The following CDH4 variants were observed in gnomAD, a reference collection of about 807,000 sequenced individuals.
The protein encoded by CDH4 is cadherin 4.
In CDH4, 33 loss-of-function variants were observed where a neutral mutation model predicts 86.0. That is an observed-to-expected ratio of 0.38 (90% CI 0.29 to 0.51). CDH4 has a LOEUF of 0.51. Among genes scored for constraint, CDH4 ranks in the 20% least tolerant of loss-of-function variants. The probability of loss-of-function intolerance (pLI) is 0.86; values close to 1 mark genes in which losing one functional copy is unlikely to be tolerated. For synonymous variants in CDH4, 555 were observed against 549.4 expected (o/e 1.01, Z -0.14); for missense variants, 1,114 against 1,307.4 (o/e 0.85, Z 2.28).
At chr20:61,799,264 A>G (rs1359555480) in intron 4 of CDH4, among the ~76,000 whole-genome samples, 1 of 152,228 alleles carries the variant, frequency 6.6e-6, no homozygotes, top group Non-Finnish European at 1.5e-5. Context: ...GGTCTGTGCA[A>G]CTGGCTGGTG....
chr20:61,844,864 G>T (rs1307133915), intron 5 of CDH4, 41 bp downstream of exon 5: 1 of 1,578,218 alleles, frequency 6.3e-7, no homozygotes, highest in Admixed American at 1.7e-5. Context: ...CCCTGGGGTG[G>T]CGATCCCAGC....
At chr20:61,409,226 C>A (rs1255371059) in intron 2 of CDH4, among the ~76,000 whole-genome samples, 2 of 152,162 alleles carry the variant, frequency 1.3e-5, no homozygotes, top group African/African-American at 2.4e-5. Flanking sequence ...AACCCTCCCC[C>A]ACGTAGTGCC....
intron 7 of CDH4, among the ~76,000 whole-genome samples, chr20:61,883,444 G>T (rs979280209): frequency 6.6e-6 from 1 of 152,170 alleles, no homozygotes; most frequent in African/African-American, 2.4e-5. Flanking sequence ...AGCATTGCAT[G>T]GGTGGAGGCC....
At chr20:61,923,731 C>T (rs1379510432) in intron 10 of CDH4, 27 bp downstream of exon 10, 6 of 1,606,440 alleles carry the variant, frequency 3.7e-6, no homozygotes, top group Non-Finnish European at 5.1e-6. Flanking sequence ...TGCCTCGTCC[C>T]TGCCTGCAGC....
intron 2 of CDH4, among the ~76,000 whole-genome samples, chr20:61,526,777 C>A (rs1376049521): frequency 6.6e-6 from 1 of 151,530 alleles, no homozygotes; most frequent in South Asian, 2.1e-4. Context: ...TGTTTCCGAA[C>A]TTCCTAAATA....
intron 2 of CDH4, among the ~76,000 whole-genome samples, chr20:61,692,185 GTC>G (rs2096377087): frequency 7.8e-6 from 1 of 127,786 alleles, no homozygotes; most frequent in South Asian, 2.2e-4. Context: ...GTTTATATGT[GTC>G]TGTATATGTT....
intron 2 of CDH4, among the ~76,000 whole-genome samples, chr20:61,349,138 A>G (rs2084695829): frequency 6.6e-6 from 1 of 152,190 alleles, no homozygotes; most frequent in African/African-American, 2.4e-5. Context: ...TCCTGTCTAT[A>G]TGGAACATGG....
At chr20:61,706,766 C>T (rs375023766) in intron 2 of CDH4, among the ~76,000 whole-genome samples, 6 of 152,210 alleles carry the variant, frequency 3.9e-5, no homozygotes, top group Non-Finnish European at 8.8e-5. Context: ...GGAATCTCAC[C>T]GGAACTGGCT....
chr20:61,666,075 T>G (rs2087320527), intron 2 of CDH4, among the ~76,000 whole-genome samples: 1 of 151,644 alleles, frequency 6.6e-6, no homozygotes, highest in South Asian at 2.1e-4. Flanking sequence ...GGGGCCCAAA[T>G]CCCACTTGTG....
At chr20:61,927,085 T>C (rs773090271) in intron 11 of CDH4, among the ~76,000 whole-genome samples, 20 of 152,204 alleles carry the variant, frequency 1.3e-4, no homozygotes, top group Non-Finnish European at 2.8e-4. Context: ...CCGCGCTGCG[T>C]CACCTTAAAT....
chr20:61,255,493 T>A (rs1362218603), intron 2 of CDH4, among the ~76,000 whole-genome samples: 2 of 152,252 alleles, frequency 1.3e-5, no homozygotes, highest in East Asian at 3.8e-4. Flanking sequence ...TGACAGTAGA[T>A]CATCCTGCTT....
At chr20:61,453,436 A>AC (rs1172979501) in intron 2 of CDH4, among the ~76,000 whole-genome samples, 1 of 151,874 alleles carries the variant, frequency 6.6e-6, no homozygotes, top group Non-Finnish European at 1.5e-5. Context: ...AAGTGACGGG[A>AC]CCCCCCTGAG....
At chr20:61,598,934 G>A (rs764480218) in intron 2 of CDH4, among the ~76,000 whole-genome samples, 2 of 152,200 alleles carry the variant, frequency 1.3e-5, no homozygotes, top group African/African-American at 2.4e-5. Context: ...AGTGAGGGTC[G>A]CCTTTTTTAT....
chr20:61,253,225 CTGGGCCGGGCT>C (rs1206416874), intron 1 of CDH4, among the ~76,000 whole-genome samples: 3 of 151,094 alleles, frequency 2.0e-5, no homozygotes, highest in East Asian at 1.9e-4. Flanking sequence ...GGGCTGGGAG[CTGGGCCGGGCT>C]TGGGCCGGGA....
At chr20:61,891,648 G>A (rs909732648) in intron 7 of CDH4, among the ~76,000 whole-genome samples, 5 of 152,168 alleles carry the variant, frequency 3.3e-5, no homozygotes, top group African/African-American at 7.2e-5. Context: ...AGGAGCCAGC[G>A]CCCCACTGCA....
intron 2 of CDH4, among the ~76,000 whole-genome samples, chr20:61,647,284 C>T (rs1262823634): frequency 1.3e-5 from 2 of 152,180 alleles, no homozygotes; most frequent in African/African-American, 4.8e-5. Flanking sequence ...GACACCCTTC[C>T]TTGCGGGTGG....
intron 2 of CDH4, among the ~76,000 whole-genome samples, chr20:61,422,880 C>T (rs1430909906): frequency 2.0e-5 from 3 of 152,128 alleles, no homozygotes; most frequent in Non-Finnish European, 4.4e-5. Context: ...GCTGGGAAGC[C>T]CCGCCCTCTT....
At chr20:61,845,681 GTTGT>G (rs142923567) in intron 5 of CDH4, among the ~76,000 whole-genome samples, 4,509 of 152,332 alleles carry the variant, frequency 0.03, 98 homozygotes, top group African/African-American at 0.061. Context: ...TCCTCATGGG[GTTGT>G]TCTGAGGACT....
chr20:61,704,262 C>A (rs750112449), intron 2 of CDH4, among the ~76,000 whole-genome samples: 3 of 152,066 alleles, frequency 2.0e-5, no homozygotes, highest in Non-Finnish European at 4.4e-5. Context: ...GGAAACCCAG[C>A]TCCTTCCCAA....
Sources: allele counts gnomAD v4.1 joint callset (sites outside exome capture counted in the v4.1 genomes callset), GRCh38; gene constraint gnomAD v4.1.1; transcripts MANE v1.5; gene names NCBI Gene and HGNC (gene_info 2026-07-23, HGNC 2026-07-21).